The following KCNB2 variants were observed in gnomAD, a reference collection of about 807,000 sequenced individuals.
KCNB2 encodes the protein delayed rectifier potassium channel protein.
KCNB2 carries 15 observed loss-of-function variants against 61.5 expected under a neutral mutation model. That is an observed-to-expected ratio of 0.24 (90% CI 0.16 to 0.38). The LOEUF (loss-of-function observed/expected upper bound fraction) is 0.38. Among genes scored for constraint, KCNB2 ranks in the 10% least tolerant of loss-of-function variants. KCNB2 has a pLI of 1.00. For synonymous variants in KCNB2, 457 were observed against 446.0 expected, an observed-to-expected ratio of 1.02 and a Z score of -0.31; for missense variants, 828 against 1,125.2, an observed-to-expected ratio of 0.74 and a Z score of 3.78.
chr8:72,798,039 T>A (rs1809058717), intron 2 of KCNB2, among the ~76,000 whole-genome samples: 1 of 152,184 alleles, frequency 6.6e-6, no homozygotes, highest in African/African-American at 2.4e-5. Context: ...AACACTGAAC[T>A]CTTTCCTTCA....
chr8:72,616,512 C>T (rs1449870311), intron 2 of KCNB2, among the ~76,000 whole-genome samples: 1 of 152,182 alleles, frequency 6.6e-6, no homozygotes, highest in Admixed American at 6.5e-5. Flanking sequence ...ATTCAGGTCT[C>T]AGTTCATATA....
In KCNB2 at chr8:72,537,374, T is replaced by G. The variant is rs1298253835; in HGVS notation, c.-605T>G. ...ACCCACCGCCCTCCGCCCTCCGCCC[T>G]CCGCCCCCGCGGCCGCCGCCGCCGC... On this transcript the variant is annotated 5_prime_UTR_variant, in exon 1 of 3. Transcript: ENST00000523207. 1 of 136,804 alleles carries G rather than the reference T, an allele frequency of 7.3e-6. No individual in the cohort carries two copies. The highest frequency in any genetic ancestry group is 1.6e-5 in the Non-Finnish European group (1 of 61,892). 8.5% of individuals were successfully genotyped at this position (136,804 alleles called of 1,614,324 possible). A position where few individuals can be genotyped will look rare whatever the true frequency, so the allele number is the denominator to read the frequency against.
At chr8:72,794,167 AC>A (rs1278596622) in intron 2 of KCNB2, among the ~76,000 whole-genome samples, 1 of 152,192 alleles carries the variant, frequency 6.6e-6, no homozygotes, top group Admixed American at 6.5e-5. Flanking sequence ...CTAGTTTGGA[AC>A]AAGTAGAGAG....
chr8:72,653,423 C>G (rs1806242387), intron 2 of KCNB2, among the ~76,000 whole-genome samples: 1 of 151,924 alleles, frequency 6.6e-6, no homozygotes, highest in South Asian at 2.1e-4. Flanking sequence ...TTCTCCCTAT[C>G]ACTCTTGATT....
At chr8:72,690,440 A>G (rs1806921952) in intron 2 of KCNB2, among the ~76,000 whole-genome samples, 3 of 152,242 alleles carry the variant, frequency 2.0e-5, no homozygotes, top group African/African-American at 7.2e-5. Context: ...TTAGGGAAAT[A>G]AAGCCAAAAA....
intron 2 of KCNB2, among the ~76,000 whole-genome samples, chr8:72,628,398 GGGGT>G (rs33920149): frequency 8.7e-4 from 13 of 14,862 alleles, no homozygotes; most frequent in Admixed American, 2.6e-3. Context: ...CTCCTGTTAG[GGGGT>G]GTGTGTGTGT....
At chr8:72,609,206 TC>T (rs1381530558) in intron 2 of KCNB2, among the ~76,000 whole-genome samples, 5 of 152,200 alleles carry the variant, frequency 3.3e-5, no homozygotes, top group African/African-American at 9.7e-5. Flanking sequence ...GGTCCATGTT[TC>T]TTAGATCAAG....
intron 2 of KCNB2, among the ~76,000 whole-genome samples, chr8:72,749,635 C>T (rs1268216600): frequency 6.6e-6 from 1 of 150,528 alleles, no homozygotes; most frequent in Non-Finnish European, 1.5e-5. Context: ...AGAGAGGTAA[C>T]ATTTTACACC....
At chr8:72,598,709 C>T (rs1271673919) in intron 2 of KCNB2, among the ~76,000 whole-genome samples, 3 of 152,170 alleles carry the variant, frequency 2.0e-5, no homozygotes, top group Non-Finnish European at 4.4e-5. Flanking sequence ...ATCCCAGCAT[C>T]TCAGCCCAAA....
chr8:72,882,950 C>A (rs193250752), intron 2 of KCNB2, among the ~76,000 whole-genome samples: 15 of 152,302 alleles, frequency 9.8e-5, no homozygotes, highest in African/African-American at 3.6e-4. Flanking sequence ...AAAGTTGTGG[C>A]CACTTCCCTC....
chr8:72,568,379 G>A, intron 2 of KCNB2, 66 bp downstream of exon 2: 1 of 1,364,460 alleles, frequency 7.3e-7, no homozygotes, highest in Non-Finnish European at 1.0e-6. Context: ...GTTCTAGAGA[G>A]TATAAGTTTT....
At chr8:72,808,681 A>C (rs572105339) in intron 2 of KCNB2, among the ~76,000 whole-genome samples, 1 of 152,318 alleles carries the variant, frequency 6.6e-6, no homozygotes, top group East Asian at 1.9e-4. Context: ...TAGATCATTT[A>C]GTAAGAAAAT....
At chr8:72,573,578 C>G (rs927322246) in intron 2 of KCNB2, among the ~76,000 whole-genome samples, 1 of 148,954 alleles carries the variant, frequency 6.7e-6, no homozygotes, top group African/African-American at 2.5e-5. Context: ...CTCTGTGTGC[C>G]GTGCAGTGCT....
chr8:72,937,056 A>G lies in KCNB2; in HGVS notation c.1701A>G (p.Pro567=). 6.2e-7 allele frequency: 1 copy of G among 1,614,178 alleles called. No individual in the cohort carries two copies. Among genetic ancestry groups the G allele is most frequent in the Non-Finnish European group, 8.5e-7 (1 of 1,180,026 alleles). The change falls in exon 3 of 3, where the codon CCA becomes CCG. Residue 567 remains proline, a synonymous_variant. Coordinates refer to ENST00000523207, the MANE Select transcript of KCNB2 (RefSeq NM_004770.3). ...NPDCQEKPER[P]SAYEEEIEME... ...ACTGCCAAGAAAAGCCTGAGAGGCCATCTGCATATGAAGAAGAGATTGAAA... is the reference window on the plus strand; with the variant it reads ...ACTGCCAAGAAAAGCCTGAGAGGCCGTCTGCATATGAAGAAGAGATTGAAA...
chr8:72,793,050 T>G (rs1341546786), intron 2 of KCNB2, among the ~76,000 whole-genome samples: 1 of 152,224 alleles, frequency 6.6e-6, no homozygotes, highest in African/African-American at 2.4e-5. Flanking sequence ...TGTTCTTGTT[T>G]GTTAAGCAAC....
At chr8:72,830,171 C>T (rs1347606845) in intron 2 of KCNB2, among the ~76,000 whole-genome samples, 1 of 133,872 alleles carries the variant, frequency 7.5e-6, no homozygotes, top group Non-Finnish European at 1.5e-5. Context: ...CATACTCCCA[C>T]ATATGTTGCT....
chr8:72,776,950 T>C (rs969382767), intron 2 of KCNB2, among the ~76,000 whole-genome samples: 6 of 152,220 alleles, frequency 3.9e-5, no homozygotes, highest in African/African-American at 1.4e-4. Flanking sequence ...GACTTTATGA[T>C]TCATTACTGT....
chr8:72,740,684 A>G (rs1807937635), intron 2 of KCNB2, among the ~76,000 whole-genome samples: 1 of 152,178 alleles, frequency 6.6e-6, no homozygotes, highest in Non-Finnish European at 1.5e-5. Context: ...TCTCCTTTGA[A>G]TGCTTTAGTC....
At chr8:72,741,888 G>A (rs1352142843) in intron 2 of KCNB2, among the ~76,000 whole-genome samples, 1 of 152,178 alleles carries the variant, frequency 6.6e-6, no homozygotes, top group African/African-American at 2.4e-5. Context: ...CTACACTGCT[G>A]GTGGGAATTT....
Sources: allele counts gnomAD v4.1 joint callset (sites outside exome capture counted in the v4.1 genomes callset), GRCh38; gene constraint gnomAD v4.1.1; transcripts MANE v1.5; gene names NCBI Gene and HGNC (gene_info 2026-07-23, HGNC 2026-07-21).